DNAH9: variants seen among roughly 807,000 people sequenced by gnomAD.
The protein encoded by DNAH9 is dynein axonemal heavy chain 9, also known as DNAH9 variant protein.
Under a neutral mutation model 471.6 loss-of-function variants are expected in DNAH9, and 345 were observed. The observed-to-expected ratio is 0.73, with a 90% CI of 0.67 to 0.80. The LOEUF (loss-of-function observed/expected upper bound fraction) is 0.80, where lower values mean the gene tolerates loss of function less well. Ranked by LOEUF, DNAH9 falls within the 30% of genes least tolerant of loss-of-function variation. The pLI is 0.00. For missense variants in DNAH9, 5,407 were observed against 5,609.2 expected, an observed-to-expected ratio of 0.96 and a Z score of 1.15; for synonymous variants, 2,093 against 2,123.6, an observed-to-expected ratio of 0.99 and a Z score of 0.40.
At chr17:11,935,119 C>T (rs1974662731) in intron 65 of DNAH9, among the ~76,000 whole-genome samples, 1 of 151,608 alleles carries the variant, frequency 6.6e-6, no homozygotes, top group African/African-American at 2.4e-5. Context: ...CCCCCACCAC[C>T]ACACCCGGTT....
intron 45 of DNAH9, among the ~76,000 whole-genome samples, chr17:11,818,859 T>A (rs1177280692): frequency 6.6e-6 from 1 of 151,344 alleles, no homozygotes; most frequent in Non-Finnish European, 1.5e-5. Flanking sequence ...AGCTACTTTA[T>A]ACATCACAGT....
intron 28 of DNAH9, among the ~76,000 whole-genome samples, chr17:11,735,990 G>A (rs2075340987): frequency 6.6e-6 from 1 of 152,092 alleles, no homozygotes; most frequent in Non-Finnish European, 1.5e-5. Context: ...TTTCAGGCAA[G>A]TTTCTTTTTT....
intron 50 of DNAH9, among the ~76,000 whole-genome samples, chr17:11,858,386 A>G (rs1285882236): frequency 2.6e-5 from 4 of 152,168 alleles, no homozygotes; most frequent in African/African-American, 9.7e-5. Flanking sequence ...GATTTAATTA[A>G]TTGCCAATAT....
rs768415858 is a variant in DNAH9 at position 11,647,159 on chromosome 17, C to T, written c.2058C>T (p.Asp686=). The change falls in exon 12 of 69, where the codon GAC becomes GAT. Residue 686 remains aspartate (D), a synonymous_variant. Coordinates refer to ENST00000262442, the MANE Select transcript of DNAH9 (RefSeq NM_001372.4). ...TTTCCCAACCACTTCTAAAACGTGA[C>T]CCAGAGACGAAGGAGATCACTATCA... is the stretch of plus-strand genomic sequence containing the variant. ...YNLSQPLLKR[D]PETKEITINF... The T allele has an allele frequency of 6.2e-6, 10 of 1,613,826 alleles. No homozygotes were observed. In the Admixed American group the frequency reaches 1.7e-4, roughly 27 times the overall value.
chr17:11,645,106 A>G (rs1264780550), intron 11 of DNAH9, among the ~76,000 whole-genome samples: 2 of 152,208 alleles, frequency 1.3e-5, no homozygotes, highest in Non-Finnish European at 2.9e-5. Context: ...AAGAGTGAAA[A>G]TTTTATATGA....
chr17:11,878,829 A>G (rs1231940141), intron 53 of DNAH9, among the ~76,000 whole-genome samples: 6 of 152,130 alleles, frequency 3.9e-5, no homozygotes. Context: ...TTGGCCTCCC[A>G]AAGTTCTGGG....
intron 1 of DNAH9, among the ~76,000 whole-genome samples, chr17:11,607,206 C>T (rs1176422044): frequency 6.6e-6 from 1 of 152,110 alleles, no homozygotes; most frequent in Non-Finnish European, 1.5e-5. Flanking sequence ...CTCCTATTCA[C>T]CCCGTTGATG....
intron 35 of DNAH9, among the ~76,000 whole-genome samples, chr17:11,762,110 G>T (rs1967702114): frequency 6.6e-6 from 1 of 152,200 alleles, no homozygotes; most frequent in Admixed American, 6.5e-5. Flanking sequence ...ACTCATGGAA[G>T]TAATACCTAG....
At chr17:11,924,041 C>A in intron 62 of DNAH9, 100 bp downstream of exon 62, 1 of 1,473,018 alleles carries the variant, frequency 6.8e-7, no homozygotes, top group African/African-American at 1.4e-5. Context: ...CCCCATCTGT[C>A]CTTTCACACT....
At chr17:11,813,506 C>T (rs969042752) in intron 45 of DNAH9, among the ~76,000 whole-genome samples, 1 of 152,158 alleles carries the variant, frequency 6.6e-6, no homozygotes, top group East Asian at 1.9e-4. Context: ...AATGACTCCA[C>T]CCTTGGATAA....
rs780659225 is a variant in DNAH9 at position 11,651,136 on chromosome 17, C to T, written c.2165C>T (p.Ala722Val). 1.2e-6 allele frequency: 2 copies of T among 1,613,880 alleles called. No homozygotes were observed. Among genetic ancestry groups the T allele is most frequent in the African/African-American group, 1.3e-5 (1 of 75,026 alleles). Reference sequence around the variant, plus strand: ...GAGATGAAACACATGCCTGAGACAGCAGCAGCCATGTTCTCCTCCAGGGAT... The same window carrying T: ...GAGATGAAACACATGCCTGAGACAGTAGCAGCCATGTTCTCCTCCAGGGAT... ...PREMKHMPET[A>V]AAMFSSRDFY... is the part of the protein sequence containing the mutation. The change falls in exon 13 of 69, where the codon GCA (alanine) becomes GTA (valine). Residue 722 changes from alanine to valine, a missense_variant. Around this residue, in one of 3 missense-constraint regions of DNAH9, gnomAD observed 4,636 missense variants for 4,900.3 expected, o/e 0.95. Transcript: ENST00000262442.
intron 50 of DNAH9, among the ~76,000 whole-genome samples, chr17:11,865,521 T>G (rs961733194): frequency 1.3e-5 from 2 of 152,142 alleles, no homozygotes; most frequent in Non-Finnish European, 2.9e-5. Flanking sequence ...TCTCGAGGCG[T>G]ATCTTTGTGG....
chr17:11,948,519 C>T (rs1386883270), intron 67 of DNAH9, among the ~76,000 whole-genome samples: 7 of 152,290 alleles, frequency 4.6e-5, no homozygotes, highest in Middle Eastern at 3.4e-3. Flanking sequence ...CGTGAGCCAC[C>T]GCACCCGGCC....
intron 14 of DNAH9, among the ~76,000 whole-genome samples, chr17:11,656,319 G>A (rs891519002): frequency 6.6e-6 from 1 of 152,128 alleles, no homozygotes; most frequent in East Asian, 1.9e-4. Context: ...CATTAGTGAT[G>A]TTGAGAATTT....
At chr17:11,606,407 G>A (rs568047586) in intron 1 of DNAH9, among the ~76,000 whole-genome samples, 2 of 151,108 alleles carry the variant, frequency 1.3e-5, no homozygotes, top group African/African-American at 4.9e-5. Context: ...CAAAGATTCC[G>A]GGTGAGTTTA....
intron 30 of DNAH9, among the ~76,000 whole-genome samples, chr17:11,744,519 C>A (rs1374725043): frequency 6.6e-6 from 1 of 152,170 alleles, no homozygotes; most frequent in Non-Finnish European, 1.5e-5. Flanking sequence ...CAAGGAGTAG[C>A]CAGATAGGTT....
intron 67 of DNAH9, among the ~76,000 whole-genome samples, chr17:11,944,328 C>T (rs1397542230): frequency 3.9e-5 from 6 of 151,968 alleles, no homozygotes; most frequent in Non-Finnish European, 7.4e-5. Context: ...TAGAGAGACG[C>T]GGGAGAAGAA....
chr17:11,927,869 T>C (rs7212806), intron 62 of DNAH9, among the ~76,000 whole-genome samples: 38,797 of 152,130 alleles, frequency 0.26, 5,573 homozygotes, highest in Non-Finnish European at 0.33. Context: ...TTCCTTCTCC[T>C]AGACCTGCCC....
chr17:11,814,811 A>G (rs573453489), intron 45 of DNAH9, among the ~76,000 whole-genome samples: 1 of 152,332 alleles, frequency 6.6e-6, no homozygotes, highest in East Asian at 1.9e-4. Flanking sequence ...AGTGTTCAAC[A>G]CACATCCTAT....
Sources: allele counts gnomAD v4.1 joint callset (sites outside exome capture counted in the v4.1 genomes callset), GRCh38; gene constraint gnomAD v4.1.1; regional missense constraint gnomAD v4.1.1; transcripts MANE v1.5; gene names NCBI Gene and HGNC (gene_info 2026-07-23, HGNC 2026-07-21).